The following ZNF341 variants were observed in gnomAD, a reference collection of about 807,000 sequenced individuals.
ZNF341 encodes zinc finger protein 341.
Under a neutral mutation model 87.7 loss-of-function variants are expected in ZNF341, and 52 were observed. The observed-to-expected ratio is 0.59, with a 90% confidence interval of 0.47 to 0.75. The LOEUF (loss-of-function observed/expected upper bound fraction) is 0.75, where lower values mean the gene tolerates loss of function less well. ZNF341 is among the 30% of genes least tolerant of loss of function. The pLI is 0.00. For missense variants in ZNF341, 977 were observed against 1,145.9 expected, an observed-to-expected ratio of 0.85 and a Z score of 2.13; for synonymous variants, 459 against 472.7, an observed-to-expected ratio of 0.97 and a Z score of 0.38.
intron 3 of ZNF341, among the ~76,000 whole-genome samples, chr20:33,747,686 G>A (rs2018962216): frequency 2.2e-5 from 3 of 134,492 alleles, no homozygotes; most frequent in South Asian, 4.9e-4. Flanking sequence ...TTTGCTAGTA[G>A]AAAATATTCC....
chr20:33,738,399 T>C (rs1373990314), intron 1 of ZNF341, among the ~76,000 whole-genome samples: 1 of 152,176 alleles, frequency 6.6e-6, no homozygotes, highest in Admixed American at 6.5e-5. Flanking sequence ...GTTCCTCTTA[T>C]CCTCCTAACC....
chr20:33,771,302 G>A (rs1202298172), intron 10 of ZNF341, among the ~76,000 whole-genome samples: 1 of 151,878 alleles, frequency 6.6e-6, no homozygotes, highest in Non-Finnish European at 1.5e-5. Flanking sequence ...CCAGGTTGGA[G>A]TCCAGTGGCA....
chr20:33,753,559 A>G, intron 5 of ZNF341, 136 bp downstream of exon 5: 1 of 1,196,280 alleles, frequency 8.4e-7, no homozygotes, highest in Non-Finnish European at 1.1e-6. Flanking sequence ...CCTGGCCTTC[A>G]TGGGGTGTAC....
intron 7 of ZNF341, 25 bp from the exon 8 acceptor site, chr20:33,761,837 G>C: frequency 6.8e-7 from 1 of 1,463,646 alleles, no homozygotes; most frequent in South Asian, 1.4e-5. Flanking sequence ...CTGCAGGAGG[G>C]CACTGACAAG....
At chr20:33,767,157 G>C (rs963434434) in intron 9 of ZNF341, 116 bp downstream of exon 9, 2 of 1,200,136 alleles carry the variant, frequency 1.7e-6, no homozygotes, top group East Asian at 4.8e-5. Flanking sequence ...GACCTTCCAC[G>C]GCTCTATTCC....
chr20:33,783,446 C>T (rs372907298), intron 11 of ZNF341, among the ~76,000 whole-genome samples: 1 of 152,056 alleles, frequency 6.6e-6, no homozygotes, highest in Non-Finnish European at 1.5e-5. Context: ...CAGTGACGCC[C>T]GAGTTGGGTC....
At position 33,748,996 on chromosome 20, in the gene ZNF341, A is replaced by G; in HGVS notation, c.413A>G (p.Asp138Gly). The part of the protein sequence containing the change: ...TLVQGNILVS[D>G]DVLMSAMSAF... ...GTGCAGGGGAACATCTTGGTGAGCGATGATGTGCTCATGTCTGCCATGTCA... is the reference window on the plus strand; with the variant it reads ...GTGCAGGGGAACATCTTGGTGAGCGGTGATGTGCTCATGTCTGCCATGTCA... The change falls in exon 4 of 15, where the codon GAT (aspartate) becomes GGT (glycine). Residue 138 changes from aspartate to glycine, a missense_variant. Asp to Gly is a moderately conservative substitution (Grantham distance 94, BLOSUM62 -1). This residue lies in a region of ZNF341 where 515 missense variants were observed against 598.2 expected (regional missense o/e 0.86). Transcript: ENST00000375200. 1.9e-6 allele frequency: 3 copies of G among 1,614,184 alleles called. No homozygotes were observed. The highest frequency in any genetic ancestry group is 2.5e-6 in the Non-Finnish European group (3 of 1,180,018).
At chr20:33,744,424 G>C in intron 2 of ZNF341, among the ~76,000 whole-genome samples, 1 of 151,422 alleles carries the variant, frequency 6.6e-6, no homozygotes, top group East Asian at 1.9e-4. Flanking sequence ...GGATGCAAAG[G>C]CATGGGAGGA....
chr20:33,741,937 T>C (rs919873485), intron 2 of ZNF341, among the ~76,000 whole-genome samples: 1 of 152,176 alleles, frequency 6.6e-6, no homozygotes, highest in African/African-American at 2.4e-5. Context: ...ATAGGAATCT[T>C]ATGAGAGTAC....
At position 33,772,010 on chromosome 20, in the gene ZNF341, T is replaced by TAAAAAAAAAAAAAAAAAAAA. The variant is rs57345366; in HGVS notation, c.1622+1724_1622+1743dup. Among the ~76,000 whole-genome samples, 24 of 56,160 alleles carry TAAAAAAAAAAAAAAAAAAAA rather than the reference T, an allele frequency of 4.3e-4. 3 individuals are homozygous for TAAAAAAAAAAAAAAAAAAAA. The highest frequency in any genetic ancestry group is 5.6e-4 in the Non-Finnish European group (18 of 32,056). The allele number at this position is 56,160 out of a possible 152,430, so 36.8% of individuals were successfully genotyped here. A position where few individuals can be genotyped will look rare whatever the true frequency, so the allele number is the denominator to read the frequency against. ...GCCTGAGCGACAGAGACGCTTGTCT[T>TAAAAAAAAAAAAAAAAAAAA]AAAAAAAAAAAAAAAAAAAAAAAAA... On this transcript the variant is annotated intron_variant, in intron 10 of 14. Transcript: ENST00000375200.
chr20:33,764,517 G>GTA (rs1286609693), intron 8 of ZNF341, among the ~76,000 whole-genome samples: 1 of 116,164 alleles, frequency 8.6e-6, no homozygotes, highest in Admixed American at 1.0e-4. Context: ...ATATATATAT[G>GTA]TATATATATG....
At chr20:33,764,823 GT>G (rs2019372600) in intron 8 of ZNF341, among the ~76,000 whole-genome samples, 1 of 150,274 alleles carries the variant, frequency 6.7e-6, no homozygotes, top group Non-Finnish European at 1.5e-5. Context: ...TCTGTTTTTT[GT>G]TTTGTTTTGT....
rs142895568 is a variant in ZNF341 at position 33,783,293 on chromosome 20, T to C, written c.1720-439T>C. 3.9e-3 allele frequency among the ~76,000 whole-genome samples: 594 copies of C among 152,336 alleles called. 3 individuals carry two copies. The highest frequency in any genetic ancestry group is 0.013 in the African/African-American group (542 of 41,586). ...CTGTGCTGGGGAGTGAAAGCCCCTC[T>C]CTGCCTACTTGGAGCTCCTGTGTAA... On this transcript the variant is annotated intron_variant, in intron 11 of 14. Transcript: ENST00000375200.
chr20:33,744,745 C>T (rs1407268308), intron 2 of ZNF341, among the ~76,000 whole-genome samples: 1 of 152,100 alleles, frequency 6.6e-6, no homozygotes, highest in Non-Finnish European at 1.5e-5. Context: ...GCGCGCACCA[C>T]CATGCCCAGC....
At chr20:33,758,232 G>A (rs2019221073) in intron 6 of ZNF341, among the ~76,000 whole-genome samples, 1 of 152,158 alleles carries the variant, frequency 6.6e-6, no homozygotes. Context: ...GGGAGAGGCT[G>A]GAAAATGATT....
In ZNF341 at chr20:33,791,559, T is replaced by A; in HGVS notation, c.*42T>A. 6.7e-7 allele frequency: 1 copy of A among 1,499,468 alleles called. No homozygotes were observed. The allele number at this position is 1,499,468 out of a possible 1,614,324, so 92.9% of individuals were successfully genotyped here. ...GTTTCCTGGGCAGGCCTGATGCTCC[T>A]GTTTGGGTCCAGGGCCCCTGGGGGC... On this transcript the variant is annotated 3_prime_UTR_variant, in exon 15 of 15. Coordinates refer to ENST00000375200, the MANE Select transcript of ZNF341 (RefSeq NM_001282933.2).
chr20:33,735,486 T>G (rs1409770144), intron 1 of ZNF341, among the ~76,000 whole-genome samples: 1 of 152,070 alleles, frequency 6.6e-6, no homozygotes, highest in Admixed American at 6.6e-5. Flanking sequence ...ACCCAGCCAA[T>G]TTTTTAAATT....
chr20:33,749,092 T>C lies in ZNF341; in HGVS notation c.489+20T>C, dbSNP rs1309879607. 6.2e-7 allele frequency: 1 copy of C among 1,607,644 alleles called. No homozygotes were observed. Among genetic ancestry groups the C allele is most frequent in the South Asian group, 1.1e-5 (1 of 90,534 alleles). ...GTGCAGGTAAGAAGGTGTGGGCTTC[T>C]CACAGGGTCTTGATTCCAGACCTGT... On this transcript the variant is annotated intron_variant, in intron 4 of 14. Transcript: ENST00000375200.
chr20:33,740,967 C>T lies in ZNF341; in HGVS notation c.97C>T (p.Pro33Ser). The change falls in exon 2 of 15, where the codon CCG becomes TCG. Residue 33 changes from proline to serine, a missense_variant. Coordinates refer to ENST00000375200, the MANE Select transcript of ZNF341 (RefSeq NM_001282933.2). ...LLDGQGAVPDPTGQSVNAPPA... is the reference protein window; with the variant it reads ...LLDGQGAVPDSTGQSVNAPPA... ...GGATGGCCAAGGAGCAGTCCCTGAT[C>T]CGACAGGCCAGAGTGTCAATGCGCC... The T allele has an allele frequency of 6.2e-7, 1 of 1,614,156 alleles. No homozygotes were observed. The highest frequency in any genetic ancestry group is 8.5e-7 in the Non-Finnish European group (1 of 1,180,038).
Sources: allele counts gnomAD v4.1 joint callset (sites outside exome capture counted in the v4.1 genomes callset), GRCh38; gene constraint gnomAD v4.1.1; regional missense constraint gnomAD v4.1.1; transcripts MANE v1.5; gene names NCBI Gene and HGNC (gene_info 2026-07-23, HGNC 2026-07-21).